LRFN2: variants seen among roughly 807,000 people sequenced by gnomAD.
LRFN2 encodes the protein leucine rich repeat and fibronectin type III domain containing 2.
LRFN2 carries 18 observed loss-of-function variants against 37.3 expected under a neutral mutation model. The observed-to-expected ratio is 0.48, with a 90% CI of 0.33 to 0.72. The LOEUF (loss-of-function observed/expected upper bound fraction) is 0.72, where lower values mean the gene tolerates loss of function less well. Ranked by LOEUF, LRFN2 falls within the 30% of genes least tolerant of loss-of-function variation. LRFN2 has a pLI of 0.02. For synonymous variants in LRFN2, 556 were observed against 466.6 expected, an observed-to-expected ratio of 1.19 and a Z score of -2.47; for missense variants, 1,006 against 1,060.7, an observed-to-expected ratio of 0.95 and a Z score of 0.72.
chr6:40,422,484 C>T (rs1430974585), intron 2 of LRFN2, among the ~76,000 whole-genome samples: 1 of 151,448 alleles, frequency 6.6e-6, no homozygotes, highest in Non-Finnish European at 1.5e-5. Flanking sequence ...GGTTCCAAAA[C>T]ACAGTCAGGG....
intron 1 of LRFN2, among the ~76,000 whole-genome samples, chr6:40,487,530 C>T (rs1316106964): frequency 2.6e-5 from 4 of 152,246 alleles, no homozygotes; most frequent in African/African-American, 9.6e-5. Flanking sequence ...AAAATGCACA[C>T]ATCCCGAAAA....
chr6:40,432,718 G>A lies in LRFN2; in HGVS notation c.396C>T (p.Asn132=), dbSNP rs1366599150. 1.9e-6 allele frequency: 3 copies of A among 1,614,158 alleles called. No homozygotes were observed. The highest frequency in any genetic ancestry group is 2.5e-6 in the Non-Finnish European group (3 of 1,180,036). ...GLVNLQHLIV[N]NNQLGGIADE... ...CTGCGATGCCGCCCAGCTGGTTGTT[G>A]TTCACGATAAGGTGCTGCAGGTTGA... The change falls in exon 2 of 3, where the codon AAC becomes AAT. Residue 132 remains asparagine, a synonymous_variant. Coordinates refer to ENST00000338305, the MANE Select transcript of LRFN2 (RefSeq NM_020737.3).
intron 2 of LRFN2, among the ~76,000 whole-genome samples, chr6:40,414,892 G>T (rs955309954): frequency 9.9e-5 from 15 of 152,190 alleles, no homozygotes; most frequent in African/African-American, 3.6e-4. Context: ...GAGGGGAGTG[G>T]CTTTGTTGGG....
chr6:40,543,635 T>C (rs1430522331), intron 1 of LRFN2, among the ~76,000 whole-genome samples: 1 of 152,196 alleles, frequency 6.6e-6, no homozygotes, highest in Non-Finnish European at 1.5e-5. Flanking sequence ...ATGTGGCTGT[T>C]TTCACAGAGA....
chr6:40,490,661 GCAGCTGCCCCT>G (rs1765070736), intron 1 of LRFN2, among the ~76,000 whole-genome samples: 1 of 152,200 alleles, frequency 6.6e-6, no homozygotes, highest in Non-Finnish European at 1.5e-5. Context: ...CCCACTCTTA[GCAGCTGCCCCT>G]CACAGCCAGG....
chr6:40,477,619 G>C (rs1002032385), intron 1 of LRFN2, among the ~76,000 whole-genome samples: 1 of 152,146 alleles, frequency 6.6e-6, no homozygotes, highest in East Asian at 1.9e-4. Context: ...CCCAGCAGGC[G>C]CTGCAGGAAT....
chr6:40,395,456 T>C (rs1299338011), intron 2 of LRFN2, among the ~76,000 whole-genome samples: 1 of 152,220 alleles, frequency 6.6e-6, no homozygotes, highest in African/African-American at 2.4e-5. Flanking sequence ...GCTCCTCTAC[T>C]GACAGGATGC....
At chr6:40,511,646 G>A (rs79581545) in intron 1 of LRFN2, among the ~76,000 whole-genome samples, 5,234 of 152,230 alleles carry the variant, frequency 0.034, 138 homozygotes, top group East Asian at 0.062. Context: ...GAGGCACGAG[G>A]GGTGTTCCAG....
intron 1 of LRFN2, chr6:40,501,903 C>G (rs1765391491): frequency 6.6e-6 from 1 of 152,174 alleles, no homozygotes; most frequent in Non-Finnish European, 1.5e-5. Flanking sequence ...GTAGCCTGAA[C>G]ATTCCACCTT....
chr6:40,419,235 C>T lies in LRFN2; in HGVS notation c.1400+12479G>A, dbSNP rs568612384. ...CAGCCTTTCATGGATTGATGCTGAG[C>T]GCAGTTCATTCCCTGCACCTTGCCT... On this transcript the variant is annotated intron_variant, in intron 2 of 2. Transcript: ENST00000338305. 5.3e-5 allele frequency among the ~76,000 whole-genome samples: 8 copies of T among 152,352 alleles called. No homozygotes were observed. In the Middle Eastern group the frequency reaches 0.01, roughly 194 times the overall value.
At chr6:40,583,199 G>GTCTATATAT (rs1561916215) in intron 1 of LRFN2, among the ~76,000 whole-genome samples, 519 of 45,060 alleles carry the variant, frequency 0.012, 2 homozygotes, top group African/African-American at 0.062. Context: ...TGTATATATA[G>GTCTATATAT]ACATATATAT....
At chr6:40,523,701 C>T (rs906232085) in intron 1 of LRFN2, 14 of 152,152 alleles carry the variant, frequency 9.2e-5, no homozygotes, top group Admixed American at 4.6e-4. Flanking sequence ...GCCCTGTTTA[C>T]TCATGAACAC....
At chr6:40,532,943 T>TA (rs1451548014) in intron 1 of LRFN2, among the ~76,000 whole-genome samples, 22 of 152,176 alleles carry the variant, frequency 1.4e-4, no homozygotes, top group African/African-American at 5.1e-4. Context: ...TCACCTGGAC[T>TA]ATGGGTCAAG....
At chr6:40,577,500 G>A (rs927209108) in intron 1 of LRFN2, among the ~76,000 whole-genome samples, 35 of 151,144 alleles carry the variant, frequency 2.3e-4, no homozygotes, top group African/African-American at 8.0e-4. Context: ...AGTTACATAC[G>A]TATACATGTG....
At chr6:40,439,128 A>G (rs953701385) in intron 1 of LRFN2, among the ~76,000 whole-genome samples, 5 of 152,112 alleles carry the variant, frequency 3.3e-5, no homozygotes, top group Non-Finnish European at 7.4e-5. Context: ...AAGAGGCAAC[A>G]GTTAGCAGAT....
chr6:40,548,203 G>A (rs1389479160), intron 1 of LRFN2, among the ~76,000 whole-genome samples: 1 of 152,284 alleles, frequency 6.6e-6, no homozygotes. Flanking sequence ...ACTTTGGGAG[G>A]CCGAGGTGGG....
chr6:40,430,665 C>A (rs1212711573), intron 2 of LRFN2, among the ~76,000 whole-genome samples: 1 of 152,216 alleles, frequency 6.6e-6, no homozygotes, highest in African/African-American at 2.4e-5. Context: ...CACATTTAAC[C>A]TCCCTTTCTA....
intron 1 of LRFN2, among the ~76,000 whole-genome samples, chr6:40,575,799 G>A (rs1411188461): frequency 6.6e-6 from 1 of 152,134 alleles, no homozygotes; most frequent in African/African-American, 2.4e-5. Flanking sequence ...GGCTGCTGGG[G>A]TTTGAATCCA....
At chr6:40,541,311 G>C (rs907975529) in intron 1 of LRFN2, among the ~76,000 whole-genome samples, 4 of 152,228 alleles carry the variant, frequency 2.6e-5, no homozygotes, top group Non-Finnish European at 5.9e-5. Context: ...GACCATTCAT[G>C]TGGGGCACAC....
Sources: gnomAD v4.1 joint callset for allele counts (sites outside exome capture counted in the v4.1 genomes callset) on GRCh38, gnomAD v4.1.1 for gene constraint, MANE v1.5 for transcripts, NCBI Gene and HGNC (gene_info 2026-07-23, HGNC 2026-07-21) for gene names.